The following TRAPPC9 variants were observed in gnomAD, a reference collection of about 807,000 sequenced individuals.
The protein encoded by TRAPPC9 is IKK2 binding protein.
TRAPPC9 carries 83 observed loss-of-function variants against 124.0 expected under a neutral mutation model. That is an observed-to-expected ratio of 0.67 (90% CI 0.56 to 0.80). The LOEUF is 0.80. TRAPPC9 is among the 30% of genes least tolerant of loss of function. The probability of loss-of-function intolerance (pLI) is 0.00; values close to 1 mark genes in which losing one functional copy is unlikely to be tolerated. For missense variants in TRAPPC9, 1,302 were observed against 1,508.3 expected (o/e 0.86, Z 2.27); for synonymous variants, 638 against 617.5 (o/e 1.03, Z -0.49).
intron 21 of TRAPPC9, among the ~76,000 whole-genome samples, chr8:139,881,655 C>A (rs1173706318): frequency 5.9e-5 from 6 of 101,784 alleles, no homozygotes; most frequent in Admixed American, 1.7e-4. Flanking sequence ...AAGAGCTGGC[C>A]TACCAACTGC....
intron 2 of TRAPPC9, among the ~76,000 whole-genome samples, chr8:140,443,292 C>G (rs1035560622): frequency 6.7e-6 from 1 of 149,836 alleles, no homozygotes; most frequent in South Asian, 2.1e-4. Context: ...AAAAATTAGC[C>G]AGGCGTGGTG....
chr8:140,051,461 T>A (rs532926794), intron 17 of TRAPPC9, among the ~76,000 whole-genome samples: 1 of 151,872 alleles, frequency 6.6e-6, no homozygotes, highest in Non-Finnish European at 1.5e-5. Flanking sequence ...ATCTGAGGGG[T>A]CCCTCTCCCT....
At chr8:140,185,599 G>T (rs148402595) in intron 17 of TRAPPC9, among the ~76,000 whole-genome samples, 1 of 152,310 alleles carries the variant, frequency 6.6e-6, no homozygotes, top group Non-Finnish European at 1.5e-5. Flanking sequence ...GGAGAAGACG[G>T]AGTTCTGGTC....
intron 17 of TRAPPC9, among the ~76,000 whole-genome samples, chr8:140,193,523 T>C (rs2062547627): frequency 2.0e-5 from 3 of 149,646 alleles, no homozygotes; most frequent in Admixed American, 1.3e-4. Context: ...ATTTTTTATA[T>C]CACTGGCAAG....
Position 140,182,779 on chromosome 8 carries a change from G to A in TRAPPC9, c.2556+38680C>T, listed in dbSNP as rs747316659. On this transcript the variant is annotated intron_variant, in intron 17 of 22. Transcript: ENST00000438773. This position sits in a 1 kb window ranked among gnomAD's most constrained non-coding sequence, Gnocchi z 4.0. ...CCTATTACCCTCAGCTGAACACATC[G>A]TCACACACACCACAACTTGCATCAT... 1.4e-4 allele frequency among the ~76,000 whole-genome samples: 22 copies of A among 151,890 alleles called. No individual in the cohort carries two copies. The highest frequency in any genetic ancestry group is 2.5e-4 in the Non-Finnish European group (17 of 67,982).
Position 140,241,180 on chromosome 8 carries a change from C to T in TRAPPC9, c.2431+11597G>A, listed in dbSNP as rs1349230384. The stretch of plus-strand genomic sequence containing the variant: ...TTAGGAGGCCGAGGCAGGCAGATCA[C>T]CTGAGGTCAGGAGTTTGAGACCAGC... On this transcript the variant is annotated intron_variant, in intron 16 of 22. Coordinates refer to ENST00000438773, the MANE Select transcript of TRAPPC9 (RefSeq NM_001160372.4). The surrounding 1 kb of genome is among the most constrained non-coding windows in gnomAD (Gnocchi z 5.0). 6.6e-6 allele frequency among the ~76,000 whole-genome samples: 1 copy of T among 152,184 alleles called. No homozygotes were observed. Among genetic ancestry groups the T allele is most frequent in the African/African-American group, 2.4e-5 (1 of 41,438 alleles).
intron 20 of TRAPPC9, among the ~76,000 whole-genome samples, chr8:139,906,854 G>A (rs1831398432): frequency 6.6e-6 from 1 of 152,180 alleles, no homozygotes; most frequent in South Asian, 2.1e-4. Flanking sequence ...TTGTCACACT[G>A]TGGCCAGGGT....
chr8:140,191,204 C>T (rs1178227650), intron 17 of TRAPPC9, among the ~76,000 whole-genome samples: 2 of 152,210 alleles, frequency 1.3e-5, no homozygotes, highest in African/African-American at 4.8e-5. Flanking sequence ...CTCTCATACG[C>T]ATTTCATCCA....
At chr8:139,973,628 A>T (rs1333149509) in intron 19 of TRAPPC9, among the ~76,000 whole-genome samples, 1 of 152,228 alleles carries the variant, frequency 6.6e-6, no homozygotes, top group African/African-American at 2.4e-5. Flanking sequence ...CGAATGAACA[A>T]AAGTAGTTTC....
chr8:139,953,965 T>C (rs1467764663), intron 19 of TRAPPC9, among the ~76,000 whole-genome samples: 1 of 152,236 alleles, frequency 6.6e-6, no homozygotes, highest in African/African-American at 2.4e-5. Flanking sequence ...GAACCACTGA[T>C]ACACTGAACA....
chr8:139,905,834 C>T (rs914415279), intron 20 of TRAPPC9, among the ~76,000 whole-genome samples: 9 of 152,108 alleles, frequency 5.9e-5, no homozygotes, highest in Non-Finnish European at 1.3e-4. Context: ...GTGGCTCATG[C>T]CTGTAATACC....
At chr8:140,086,730 G>A (rs1310510974) in intron 17 of TRAPPC9, among the ~76,000 whole-genome samples, 1 of 152,102 alleles carries the variant, frequency 6.6e-6, no homozygotes, top group African/African-American at 2.4e-5. Flanking sequence ...AGGAGTTCAA[G>A]ACCAGCCTGA....
chr8:139,763,439 C>T (rs1820367387), intron 21 of TRAPPC9, among the ~76,000 whole-genome samples: 1 of 152,188 alleles, frequency 6.6e-6, no homozygotes, highest in Non-Finnish European at 1.5e-5. Context: ...CCCGTGGGGA[C>T]ATGTTAGTCC....
chr8:140,139,606 G>A (rs2061353453), intron 17 of TRAPPC9, among the ~76,000 whole-genome samples: 1 of 152,132 alleles, frequency 6.6e-6, no homozygotes, highest in Admixed American at 6.5e-5. Flanking sequence ...TGAAAAATGT[G>A]TAAACTACTG....
At chr8:140,233,573 CCTCTCT>C (rs770016508) in intron 16 of TRAPPC9, among the ~76,000 whole-genome samples, 2 of 138,686 alleles carry the variant, frequency 1.4e-5, no homozygotes, top group East Asian at 4.2e-4. Flanking sequence ...ACACACACTT[CCTCTCT>C]CTCTCTCTCT....
rs552276149 is a variant in TRAPPC9, at chr8:140,125,742, G to C, written c.2556+95717C>G. Among the ~76,000 whole-genome samples, 43 of 151,744 alleles carry C rather than the reference G, an allele frequency of 2.8e-4. 2 individuals carry two copies. The South Asian group carries it at 8.1e-3, about 29-fold the overall frequency. Reference sequence around the variant, plus strand: ...CCTGAGTAGCTGGGATTACAGGTGCGTGCCACCACACCCAGCTAATTTTTT... The same window carrying C: ...CCTGAGTAGCTGGGATTACAGGTGCCTGCCACCACACCCAGCTAATTTTTT... On this transcript the variant is annotated intron_variant, in intron 17 of 22. Transcript: ENST00000438773.
At chr8:139,989,286 G>A (rs1837471217) in intron 18 of TRAPPC9, among the ~76,000 whole-genome samples, 2 of 147,258 alleles carry the variant, frequency 1.4e-5, no homozygotes, top group African/African-American at 4.9e-5. Context: ...GGGCCCTGAA[G>A]CGTGGTGACG....
At chr8:139,954,768 C>A (rs1485637758) in intron 19 of TRAPPC9, among the ~76,000 whole-genome samples, 1 of 152,176 alleles carries the variant, frequency 6.6e-6, no homozygotes, top group African/African-American at 2.4e-5. Context: ...ACTCAAGTGA[C>A]ATCACAGCGT....
intron 17 of TRAPPC9, among the ~76,000 whole-genome samples, chr8:140,082,396 C>T (rs1843885846): frequency 6.6e-6 from 1 of 152,102 alleles, no homozygotes; most frequent in Admixed American, 6.5e-5. Flanking sequence ...TCCCAGCTTG[C>T]CCCAGTGAGA....
Sources: allele counts gnomAD v4.1 joint callset (sites outside exome capture counted in the v4.1 genomes callset), GRCh38; gene constraint gnomAD v4.1.1; non-coding constraint Gnocchi (gnomAD v3.1); transcripts MANE v1.5; gene names NCBI Gene and HGNC (gene_info 2026-07-23, HGNC 2026-07-21).